GRID2: variants seen among roughly 807,000 people sequenced by gnomAD.
GRID2 encodes glutamate receptor ionotropic, delta-2.
In GRID2, 33 loss-of-function variants were observed where a neutral mutation model predicts 114.8. The observed-to-expected ratio is 0.29, with a 90% confidence interval of 0.22 to 0.38. GRID2 has a LOEUF of 0.38. Ranked by LOEUF, GRID2 falls within the 10% of genes least tolerant of loss-of-function variation. The probability of loss-of-function intolerance (pLI) is 1.00; values close to 1 mark genes in which losing one functional copy is unlikely to be tolerated. For synonymous variants in GRID2, 505 were observed against 449.9 expected, an observed-to-expected ratio of 1.12 and a Z score of -1.55; for missense variants, 1,184 against 1,257.7, an observed-to-expected ratio of 0.94 and a Z score of 0.89.
Position 93,128,027 on chromosome 4 carries a change from C to CAAAAAAAAAAAAAAAAAAAAA in GRID2, c.735+17086_735+17106dup, listed in dbSNP as rs1008311457. 6.9e-4 allele frequency among the ~76,000 whole-genome samples: 14 copies of CAAAAAAAAAAAAAAAAAAAAA among 20,326 alleles called. 1 individual carries two copies. Among genetic ancestry groups the CAAAAAAAAAAAAAAAAAAAAA allele is most frequent in the African/African-American group, 2.4e-3 (14 of 5,950 alleles). The allele number at this position is 20,326 out of a possible 152,430, so 13.3% of individuals were successfully genotyped here. A position where few individuals can be genotyped will look rare whatever the true frequency, so the allele number is the denominator to read the frequency against. ...CAGAGTAAGACCTTGTCCCCCGCAA[C>CAAAAAAAAAAAAAAAAAAAAA]AAAAAAAAAAAAAAAAAAAAAAAAA... On this transcript the variant is annotated intron_variant, in intron 4 of 15. Transcript: ENST00000282020.
At chr4:93,591,968 T>C (rs952463720) in intron 13 of GRID2, among the ~76,000 whole-genome samples, 5 of 152,212 alleles carry the variant, frequency 3.3e-5, no homozygotes, top group African/African-American at 1.2e-4. Flanking sequence ...TTAGTCTTGC[T>C]AGTGCTCTAT....
At chr4:93,448,907 T>TCCCCTTCCCTTCCCTTCCCTTC (rs375658261) in intron 10 of GRID2, among the ~76,000 whole-genome samples, 1 of 11,866 alleles carries the variant, frequency 8.4e-5, no homozygotes. Flanking sequence ...CCCCTTCCCT[T>TCCCCTTCCCTTCCCTTCCCTTC]CCCTTCCCTT....
At chr4:92,648,943 A>T in intron 2 of GRID2, among the ~76,000 whole-genome samples, 1 of 141,100 alleles carries the variant, frequency 7.1e-6, no homozygotes, top group Non-Finnish European at 1.5e-5. Context: ...CTTTAGAGAC[A>T]ATTATTTATG....
intron 10 of GRID2, among the ~76,000 whole-genome samples, chr4:93,426,867 A>G (rs1768898275): frequency 6.6e-6 from 1 of 152,078 alleles, no homozygotes; most frequent in South Asian, 2.1e-4. Flanking sequence ...CATTGGAACT[A>G]GGTTTTTATT....
At chr4:92,735,116 T>C (rs1736527450) in intron 2 of GRID2, among the ~76,000 whole-genome samples, 1 of 152,090 alleles carries the variant, frequency 6.6e-6, no homozygotes, top group South Asian at 2.1e-4. Context: ...AGAATGTTAG[T>C]ATTGAACATT....
At chr4:93,502,667 C>A (rs969217763) in intron 12 of GRID2, among the ~76,000 whole-genome samples, 21 of 151,246 alleles carry the variant, frequency 1.4e-4, no homozygotes, top group African/African-American at 5.1e-4. Context: ...TTCCTGTCAC[C>A]TAAAGATATT....
intron 1 of GRID2, among the ~76,000 whole-genome samples, chr4:92,384,666 T>TATA (rs1729849963): frequency 1.1e-5 from 1 of 88,778 alleles, no homozygotes; most frequent in Non-Finnish European, 2.4e-5. Flanking sequence ...ACATATTATA[T>TATA]ACATATATTA....
At chr4:92,872,994 G>T (rs966557104) in intron 2 of GRID2, among the ~76,000 whole-genome samples, 8 of 152,162 alleles carry the variant, frequency 5.3e-5, no homozygotes, top group African/African-American at 1.7e-4. Context: ...TGGTGGATTA[G>T]TACCCAAGAT....
chr4:92,618,146 A>T (rs772657339), intron 2 of GRID2, among the ~76,000 whole-genome samples: 4 of 151,686 alleles, frequency 2.6e-5, no homozygotes, highest in Non-Finnish European at 5.9e-5. Context: ...TATATTTTCT[A>T]GTCTTACATT....
At chr4:92,879,803 T>G (rs1005638456) in intron 2 of GRID2, among the ~76,000 whole-genome samples, 4 of 152,252 alleles carry the variant, frequency 2.6e-5, no homozygotes, top group Admixed American at 2.6e-4. Context: ...TCTATGTTAA[T>G]TTGTTCTACC....
At chr4:92,568,168 A>G (rs1727426073) in intron 1 of GRID2, among the ~76,000 whole-genome samples, 4 of 152,028 alleles carry the variant, frequency 2.6e-5, no homozygotes, top group Admixed American at 2.6e-4. Context: ...TAACGAGATC[A>G]GGACTGCTGA....
chr4:93,101,839 T>C (rs1301622346), intron 3 of GRID2, among the ~76,000 whole-genome samples: 1 of 152,146 alleles, frequency 6.6e-6, no homozygotes, highest in Non-Finnish European at 1.5e-5. Context: ...TAGAATGTTA[T>C]AGACATCAAC....
chr4:92,977,634 G>C (rs547206044), intron 2 of GRID2, among the ~76,000 whole-genome samples: 3 of 152,234 alleles, frequency 2.0e-5, no homozygotes. Context: ...ATCAATTGTA[G>C]GAAGCAGGAG....
At chr4:92,728,912 A>C (rs1272651032) in intron 2 of GRID2, among the ~76,000 whole-genome samples, 2 of 152,078 alleles carry the variant, frequency 1.3e-5, no homozygotes, top group Non-Finnish European at 2.9e-5. Flanking sequence ...GAGACAAAAA[A>C]GAATTACATA....
rs536381631 is a variant in GRID2, at chr4:93,377,890, G to T, written c.1246-17717G>T. ...TGAATCTTCTGATTGTGTAATAAAA[G>T]AATAAGAATAGAAACTAAGATAAAA... On this transcript the variant is annotated intron_variant, in intron 8 of 15. Coordinates refer to ENST00000282020, the MANE Select transcript of GRID2 (RefSeq NM_001510.4). Among the ~76,000 whole-genome samples the T allele has an allele frequency of 2.0e-5, 3 of 152,066 alleles. No homozygotes were observed. In the South Asian group the frequency reaches 6.2e-4, roughly 32 times the overall value.
intron 2 of GRID2, among the ~76,000 whole-genome samples, chr4:92,907,496 C>G (rs913378687): frequency 2.0e-5 from 3 of 152,086 alleles, no homozygotes; most frequent in Non-Finnish European, 2.9e-5. Context: ...ACTTCAACCT[C>G]CACCTTCCAG....
chr4:92,507,261 T>G (rs543979542), intron 1 of GRID2, among the ~76,000 whole-genome samples: 11 of 151,968 alleles, frequency 7.2e-5, no homozygotes, highest in Non-Finnish European at 1.6e-4. Context: ...CAGGGATATT[T>G]CTTTGAAACT....
chr4:92,841,018 C>T (rs1463321401), intron 2 of GRID2, among the ~76,000 whole-genome samples: 1 of 151,976 alleles, frequency 6.6e-6, no homozygotes, highest in Non-Finnish European at 1.5e-5. Context: ...TATCTTGATT[C>T]CAAGATCTGC....
intron 2 of GRID2, among the ~76,000 whole-genome samples, chr4:92,800,182 T>G (rs1740084772): frequency 6.6e-6 from 1 of 151,878 alleles, no homozygotes; most frequent in Non-Finnish European, 1.5e-5. Flanking sequence ...AGGATATCAG[T>G]GGAATACTAT....
Sources: gnomAD v4.1 joint callset for allele counts (sites outside exome capture counted in the v4.1 genomes callset) on GRCh38, gnomAD v4.1.1 for gene constraint, MANE v1.5 for transcripts, NCBI Gene and HGNC (gene_info 2026-07-23, HGNC 2026-07-21) for gene names.